Variants in DNAJC1 observed in about 807,000 individuals in gnomAD.
DNAJC1 encodes the protein dnaJ homolog subfamily C member 1.
A neutral mutation model predicts 76.6 loss-of-function variants in DNAJC1; 58 were observed. That is an observed-to-expected ratio of 0.76 (90% CI 0.61 to 0.94). DNAJC1 has a LOEUF of 0.94. DNAJC1 is among the 40% of genes least tolerant of loss of function. The pLI is 0.00. For missense variants in DNAJC1, 689 were observed against 677.3 expected, an observed-to-expected ratio of 1.02 and a Z score of -0.19; for synonymous variants, 258 against 267.9, an observed-to-expected ratio of 0.96 and a Z score of 0.36.
At chr10:21,797,664 G>A (rs1481565949) in intron 9 of DNAJC1, among the ~76,000 whole-genome samples, 5 of 152,140 alleles carry the variant, frequency 3.3e-5, no homozygotes, top group East Asian at 1.9e-4. Flanking sequence ...ACCTTATGGC[G>A]GGAGTGGGTT....
intron 6 of DNAJC1, among the ~76,000 whole-genome samples, chr10:21,909,480 A>G (rs1281419413): frequency 6.6e-6 from 1 of 152,222 alleles, no homozygotes; most frequent in East Asian, 1.9e-4. Flanking sequence ...TAAAATATGG[A>G]ATATAGAATA....
At chr10:21,997,137 T>G (rs192740384) in intron 1 of DNAJC1, among the ~76,000 whole-genome samples, 3 of 152,208 alleles carry the variant, frequency 2.0e-5, no homozygotes, top group East Asian at 1.9e-4. Context: ...CAAGAATCAC[T>G]GGACAAAATT....
At chr10:21,888,507 T>C (rs572324763) in intron 7 of DNAJC1, among the ~76,000 whole-genome samples, 4 of 152,018 alleles carry the variant, frequency 2.6e-5, no homozygotes, top group African/African-American at 4.8e-5. Flanking sequence ...AATTAGCAAT[T>C]TGATAAAGAA....
In DNAJC1 at chr10:21,772,903, G is replaced by A. The variant is rs546843016; in HGVS notation, c.1099-6594C>T. 3.3e-5 allele frequency among the ~76,000 whole-genome samples: 5 copies of A among 152,158 alleles called. No homozygotes were observed. The East Asian group carries it at 5.8e-4, about 18-fold the overall frequency. ...GAAGCCTCAGGAAACTTACAATCAC[G>A]GCAGAAGGCAAACTAGGAGGCAGCA... On this transcript the variant is annotated intron_variant, in intron 9 of 11. Coordinates refer to ENST00000376980, the MANE Select transcript of DNAJC1 (RefSeq NM_022365.4).
intron 1 of DNAJC1, among the ~76,000 whole-genome samples, chr10:21,972,859 G>C (rs1045295413): frequency 6.6e-6 from 1 of 151,938 alleles, no homozygotes; most frequent in Non-Finnish European, 1.5e-5. Flanking sequence ...GTTGAAAATA[G>C]AACCAGAGAA....
At chr10:21,896,032 G>A (rs1446247234) in intron 7 of DNAJC1, among the ~76,000 whole-genome samples, 1 of 152,226 alleles carries the variant, frequency 6.6e-6, no homozygotes, top group Non-Finnish European at 1.5e-5. Flanking sequence ...GAGTACGTGA[G>A]TTGTGGAGAC....
intron 1 of DNAJC1, among the ~76,000 whole-genome samples, chr10:21,938,458 C>A (rs962378983): frequency 6.6e-6 from 1 of 151,934 alleles, no homozygotes; most frequent in Non-Finnish European, 1.5e-5. Flanking sequence ...GTGACTCAAG[C>A]GAAATTTTTT....
At chr10:21,892,278 T>C (rs1836473697) in intron 7 of DNAJC1, among the ~76,000 whole-genome samples, 1 of 151,468 alleles carries the variant, frequency 6.6e-6, no homozygotes, top group African/African-American at 2.4e-5. Context: ...AAATAAAAAA[T>C]ACAATAGCAG....
chr10:21,972,660 A>G (rs1375802404), intron 1 of DNAJC1, among the ~76,000 whole-genome samples: 1 of 152,024 alleles, frequency 6.6e-6, no homozygotes, highest in Non-Finnish European at 1.5e-5. Flanking sequence ...AATAATTCCT[A>G]TTTGTCCAGT....
intron 1 of DNAJC1, among the ~76,000 whole-genome samples, chr10:21,949,411 CTTTTTTTTTTTT>C (rs1201250094): frequency 1.9e-4 from 13 of 70,176 alleles, no homozygotes; most frequent in South Asian, 5.8e-4. Flanking sequence ...CCCCCTTCTT[CTTTTTTTTTTTT>C]TTTTTTTTTG....
intron 9 of DNAJC1, among the ~76,000 whole-genome samples, chr10:21,770,772 C>T (rs1275759901): frequency 1.3e-5 from 2 of 152,116 alleles, no homozygotes; most frequent in African/African-American, 2.4e-5. Flanking sequence ...ATAAGTTCTC[C>T]CATTCTTTGG....
chr10:21,808,692 G>C (rs1422512011), intron 8 of DNAJC1, among the ~76,000 whole-genome samples: 2 of 152,190 alleles, frequency 1.3e-5, no homozygotes, highest in African/African-American at 4.8e-5. Flanking sequence ...GGGTGGCCAT[G>C]GTGTGAATGT....
rs970258359 is a variant in DNAJC1 at position 21,860,079 on chromosome 10, G to A, written c.978+22203C>T. 4.6e-5 allele frequency among the ~76,000 whole-genome samples: 7 copies of A among 151,400 alleles called. No individual in the cohort carries two copies. In the South Asian group the frequency reaches 1.3e-3, roughly 27 times the overall value. ...ATTACAGGCATGAGCTACCGTGCCC[G>A]GCCAGAGTCAACTTCTTAATGCAAA... On this transcript the variant is annotated intron_variant, in intron 8 of 11. Coordinates refer to ENST00000376980, the MANE Select transcript of DNAJC1 (RefSeq NM_022365.4).
At chr10:21,865,481 C>A (rs561318992) in intron 8 of DNAJC1, 3 of 152,080 alleles carry the variant, frequency 2.0e-5, no homozygotes, top group Non-Finnish European at 4.4e-5. Flanking sequence ...AGAATTTACA[C>A]TGTATGATTA....
chr10:21,880,884 C>T (rs1375685990), intron 8 of DNAJC1, among the ~76,000 whole-genome samples: 2 of 152,198 alleles, frequency 1.3e-5, no homozygotes, highest in African/African-American at 4.8e-5. Context: ...CCCTCTCTAG[C>T]CATGAAAGTC....
At chr10:21,950,123 T>G (rs915093561) in intron 1 of DNAJC1, among the ~76,000 whole-genome samples, 2 of 152,014 alleles carry the variant, frequency 1.3e-5, no homozygotes, top group African/African-American at 4.8e-5. Context: ...TTATTGTGCT[T>G]TACTACATGT....
chr10:21,838,676 C>G (rs898643023), intron 8 of DNAJC1, among the ~76,000 whole-genome samples: 8 of 152,034 alleles, frequency 5.3e-5, no homozygotes, highest in African/African-American at 1.9e-4. Flanking sequence ...CCACTGTCAA[C>G]ATTAGACAGA....
intron 1 of DNAJC1, among the ~76,000 whole-genome samples, chr10:21,977,506 C>T (rs755469266): frequency 7.2e-5 from 11 of 152,068 alleles, no homozygotes; most frequent in Non-Finnish European, 1.5e-4. Context: ...CAAGAAAAGA[C>T]TTGTGTGGCT....
chr10:21,833,810 C>T (rs1036626606), intron 8 of DNAJC1, among the ~76,000 whole-genome samples: 5 of 152,118 alleles, frequency 3.3e-5, no homozygotes, highest in African/African-American at 1.2e-4. Flanking sequence ...TAGATGGCAA[C>T]TGTTTTTTAT....
Sources: gnomAD v4.1 joint callset for allele counts (sites outside exome capture counted in the v4.1 genomes callset) on GRCh38, gnomAD v4.1.1 for gene constraint, MANE v1.5 for transcripts, NCBI Gene and HGNC (gene_info 2026-07-23, HGNC 2026-07-21) for gene names.